The following LEPR variants were observed in gnomAD, a reference collection of about 807,000 sequenced individuals.
The protein encoded by LEPR is OB receptor.
In LEPR, 56 loss-of-function variants were observed where a neutral mutation model predicts 114.7. The observed-to-expected ratio is 0.49, with a 90% CI of 0.39 to 0.61. LEPR has a LOEUF of 0.61. Ranked by LOEUF, LEPR falls within the 20% of genes least tolerant of loss-of-function variation. The probability of loss-of-function intolerance (pLI) is 0.00; values close to 1 mark genes in which losing one functional copy is unlikely to be tolerated. For synonymous variants in LEPR, 443 were observed against 461.4 expected, an observed-to-expected ratio of 0.96 and a Z score of 0.51; for missense variants, 1,202 against 1,352.9, an observed-to-expected ratio of 0.89 and a Z score of 1.75.
intron 2 of LEPR, among the ~76,000 whole-genome samples, chr1:65,534,458 G>C (rs1310480933): frequency 1.3e-5 from 2 of 152,026 alleles, no homozygotes; most frequent in Non-Finnish European, 2.9e-5. Flanking sequence ...TATTTATTGA[G>C]AGCTTACTCG....
intron 5 of LEPR, among the ~76,000 whole-genome samples, chr1:65,590,715 A>G (rs549345220): frequency 5.3e-5 from 8 of 152,142 alleles, no homozygotes; most frequent in African/African-American, 1.9e-4. Flanking sequence ...CTAGCAGCAT[A>G]AGAATGGACT....
intron 18 of LEPR, 123 bp downstream of exon 18, chr1:65,621,581 T>A: frequency 1.3e-6 from 1 of 797,222 alleles, no homozygotes; most frequent in Non-Finnish European, 2.1e-6. Flanking sequence ...GTAGTCTGTA[T>A]ACAATTAAGA....
At chr1:65,564,762 G>T (rs10889562) in intron 2 of LEPR, among the ~76,000 whole-genome samples, 2 of 151,954 alleles carry the variant, frequency 1.3e-5, no homozygotes, top group African/African-American at 2.4e-5. Flanking sequence ...GCTGATTACC[G>T]GAAGAGCTTA....
rs781337133 is a variant in LEPR, at chr1:65,445,797, C to CAACATGT, written c.-21+20421_-21+20422insCATGTAA. On this transcript the variant is annotated intron_variant, in intron 2 of 19. Coordinates refer to ENST00000349533, the MANE Select transcript of LEPR (RefSeq NM_002303.6). The stretch of plus-strand genomic sequence containing the variant: ...TTTCAACTAATATAGAAGACTTAAT[C>CAACATGT]AATTCTCAATTACATGTTGTAAATT... 2.7e-3 allele frequency among the ~76,000 whole-genome samples: 414 copies of CAACATGT among 152,198 alleles called. 2 individuals are homozygous for CAACATGT. Among genetic ancestry groups the CAACATGT allele is most frequent in the Middle Eastern group, 0.024 (7 of 294 alleles).
chr1:65,582,406 A>G (rs1655049478), intron 5 of LEPR, among the ~76,000 whole-genome samples: 1 of 152,072 alleles, frequency 6.6e-6, no homozygotes, highest in African/African-American at 2.4e-5. Flanking sequence ...TCTTCATGGG[A>G]TGTTGGACTG....
chr1:65,487,078 C>T (rs1231431416), intron 2 of LEPR, among the ~76,000 whole-genome samples: 3 of 152,154 alleles, frequency 2.0e-5, no homozygotes, highest in African/African-American at 7.2e-5. Flanking sequence ...CTAAAACACC[C>T]AGATCTTTTC....
At chr1:65,599,079 G>C (rs896856454) in intron 8 of LEPR, among the ~76,000 whole-genome samples, 1 of 151,990 alleles carries the variant, frequency 6.6e-6, no homozygotes, top group African/African-American at 2.4e-5. Flanking sequence ...AACTCAGAAA[G>C]CCATTTGTAT....
chr1:65,546,272 G>A (rs1401929062), intron 2 of LEPR, among the ~76,000 whole-genome samples: 2 of 152,178 alleles, frequency 1.3e-5, no homozygotes, highest in African/African-American at 4.8e-5. Flanking sequence ...TTTGGCTTAG[G>A]ATTGACTTGG....
chr1:65,479,191 G>A (rs1005235497), intron 2 of LEPR, among the ~76,000 whole-genome samples: 5 of 152,190 alleles, frequency 3.3e-5, no homozygotes, highest in Non-Finnish European at 7.4e-5. Context: ...GGCACAGGGA[G>A]GAAAATAAAG....
intron 2 of LEPR, among the ~76,000 whole-genome samples, chr1:65,518,288 G>A (rs1442547113): frequency 6.6e-6 from 1 of 152,144 alleles, no homozygotes; most frequent in African/African-American, 2.4e-5. Context: ...GTATATTAGA[G>A]AAATTCACTC....
At chr1:65,627,003 C>T (rs1262284142) in intron 19 of LEPR, among the ~76,000 whole-genome samples, 2 of 152,178 alleles carry the variant, frequency 1.3e-5, no homozygotes, top group Admixed American at 1.3e-4. Flanking sequence ...CAGGAAAAGG[C>T]AAATTTACCA....
intron 2 of LEPR, among the ~76,000 whole-genome samples, chr1:65,550,678 G>T (rs540951802): frequency 2.6e-5 from 4 of 152,204 alleles, no homozygotes; most frequent in South Asian, 2.1e-4. Context: ...GAAAAGCTCA[G>T]TATTCAGGTG....
intron 2 of LEPR, among the ~76,000 whole-genome samples, chr1:65,559,996 C>T (rs1336757675): frequency 6.8e-6 from 1 of 146,704 alleles, no homozygotes; most frequent in Non-Finnish European, 1.5e-5. Context: ...ATGCCTCCAG[C>T]TTTGTTCTTT....
At chr1:65,589,920 T>A (rs1655573849) in intron 5 of LEPR, among the ~76,000 whole-genome samples, 1 of 152,072 alleles carries the variant, frequency 6.6e-6, no homozygotes, top group African/African-American at 2.4e-5. Context: ...TGCATTTCCA[T>A]ATGAATTTTT....
Position 65,636,418 on chromosome 1 carries a change from T to C in LEPR, c.2901T>C (p.Ala967=). Residue 967 remains alanine (A), a synonymous_variant, in exon 20 of 20, where the codon GCT becomes GCC. Coordinates refer to ENST00000349533, the MANE Select transcript of LEPR (RefSeq NM_002303.6). Reference sequence around the variant, plus strand: ...TCAACAGTGTTAACTTCTCTGAGGCTGAGGGTACTGAGGTAACCTATGAGG... The same window carrying C: ...TCAACAGTGTTAACTTCTCTGAGGCCGAGGGTACTGAGGTAACCTATGAGG... ...DQFNSVNFSE[A]EGTEVTYEDE... 1 of 1,614,150 alleles carries C rather than the reference T, an allele frequency of 6.2e-7. No individual in the cohort carries two copies. Among genetic ancestry groups the C allele is most frequent in the African/African-American group, 1.3e-5 (1 of 75,076 alleles).
Position 65,633,309 on chromosome 1 carries a change from G to T in LEPR, c.2674-2882G>T. 1 of 1,456,858 alleles carries T rather than the reference G, an allele frequency of 6.9e-7. No individual in the cohort carries two copies. Among genetic ancestry groups the T allele is most frequent in the African/African-American group, 1.4e-5 (1 of 70,108 alleles). The allele number at this position is 1,456,858 out of a possible 1,614,324, so 90.2% of individuals were successfully genotyped here. A position where few individuals can be genotyped will look rare whatever the true frequency, so the allele number is the denominator to read the frequency against. On this transcript the variant is annotated intron_variant, in intron 19 of 19. Transcript: ENST00000349533. This position sits in a 1 kb window ranked among gnomAD's most constrained non-coding sequence, Gnocchi z 4.1. Reference sequence around the variant, plus strand: ...TTGAACTTCTGAGAGTTAACATATGGTGGATTATGTTGATTTAGAACTTAA... The same window carrying T: ...TTGAACTTCTGAGAGTTAACATATGTTGGATTATGTTGATTTAGAACTTAA...
intron 16 of LEPR, among the ~76,000 whole-genome samples, chr1:65,618,668 T>G (rs1452123329): frequency 1.3e-5 from 2 of 152,096 alleles, no homozygotes; most frequent in Non-Finnish European, 2.9e-5. Flanking sequence ...ATTTTAACAT[T>G]TTATACAGGG....
chr1:65,466,230 A>C (rs1036332339), intron 2 of LEPR, among the ~76,000 whole-genome samples: 1 of 152,066 alleles, frequency 6.6e-6, no homozygotes, highest in Non-Finnish European at 1.5e-5. Context: ...AGAGTGACAA[A>C]ATCTCTCAGC....
intron 2 of LEPR, among the ~76,000 whole-genome samples, chr1:65,496,987 C>T (rs997721973): frequency 6.7e-5 from 10 of 150,346 alleles, no homozygotes; most frequent in Non-Finnish European, 1.0e-4. Flanking sequence ...TGTTCATATA[C>T]ATATATATAT....
Sources: allele counts gnomAD v4.1 joint callset (sites outside exome capture counted in the v4.1 genomes callset), GRCh38; gene constraint gnomAD v4.1.1; non-coding constraint Gnocchi (gnomAD v3.1); transcripts MANE v1.5; gene names NCBI Gene and HGNC (gene_info 2026-07-23, HGNC 2026-07-21).